The following CLCN6 variants were observed in gnomAD, a reference collection of about 807,000 sequenced individuals.
CLCN6 encodes the protein H(+)/Cl(-) exchange transporter 6.
CLCN6 carries 70 observed loss-of-function variants against 109.8 expected under a neutral mutation model. The observed-to-expected ratio is 0.64, with a 90% CI of 0.53 to 0.78. CLCN6 has a LOEUF of 0.78. CLCN6 is among the 30% of genes least tolerant of loss of function. The probability of loss-of-function intolerance (pLI) is 0.00; values close to 1 mark genes in which losing one functional copy is unlikely to be tolerated. For missense variants in CLCN6, 984 were observed against 1,142.3 expected (o/e 0.86, Z 2.00); for synonymous variants, 444 against 447.8 (o/e 0.99, Z 0.11).
chr1:11,834,100 G>A lies in CLCN6; in HGVS notation c.1526+70G>A, dbSNP rs908372821. On this transcript the variant is annotated intron_variant, in intron 15 of 22. Coordinates refer to ENST00000346436, the MANE Select transcript of CLCN6 (RefSeq NM_001286.5). The surrounding 1 kb of genome is among the most constrained non-coding windows in gnomAD (Gnocchi z 4.5). ...CACGTGTGCGTGTGTATGCATGTGT[G>A]TGCGTGTGCGTGCGTTGATGTGTCT... 6.9e-6 allele frequency: 11 copies of A among 1,592,238 alleles called. No homozygotes were observed. The East Asian group carries it at 2.5e-4, about 36-fold the overall frequency.
At chr1:11,833,030 T>TG (rs1644899882) in intron 13 of CLCN6, among the ~76,000 whole-genome samples, 1 of 151,902 alleles carries the variant, frequency 6.6e-6, no homozygotes, top group Non-Finnish European at 1.5e-5. Context: ...CTTTTTTTTT[T>TG]TTTGTAGCAA....
At chr1:11,830,742 T>C (rs1644869681) in intron 13 of CLCN6, among the ~76,000 whole-genome samples, 1 of 95,510 alleles carries the variant, frequency 1.0e-5, no homozygotes, top group East Asian at 2.8e-4. Context: ...ATATATTATA[T>C]ATATATATAT....
At chr1:11,833,689 C>T in intron 14 of CLCN6, 51 bp downstream of exon 14, 1 of 1,608,378 alleles carries the variant, frequency 6.2e-7, no homozygotes, top group Non-Finnish European at 8.5e-7. Flanking sequence ...TCATCTCGGA[C>T]ACAGCCAGGC....
rs551528523 is a variant in CLCN6, at chr1:11,842,120, T to A, written c.*1897T>A. ...GTGTGATCACCTGTCACAGACACTTTGTCCCCTCTCCCCGCCCCTTCCTGG... is the reference window on the plus strand; with the variant it reads ...GTGTGATCACCTGTCACAGACACTTAGTCCCCTCTCCCCGCCCCTTCCTGG... On this transcript the variant is annotated 3_prime_UTR_variant, in exon 23 of 23. Transcript: ENST00000346436. The A allele has an allele frequency of 6.6e-6, 1 of 152,330 alleles. No individual in the cohort carries two copies. The highest frequency in any genetic ancestry group is 1.9e-4 in the East Asian group (1 of 5,178). 9.4% of individuals were successfully genotyped at this position (152,330 alleles called of 1,614,324 possible). A position where few individuals can be genotyped will look rare whatever the true frequency, so the allele number is the denominator to read the frequency against.
In CLCN6 at chr1:11,834,025, A is replaced by G; in HGVS notation, c.1521A>G (p.Leu507=). Residue 507 remains leucine, a synonymous_variant, in exon 15 of 23, where the codon CTA becomes CTG. Transcript: ENST00000346436. The surrounding 1 kb of genome is among the most constrained non-coding windows in gnomAD (Gnocchi z 4.5). ...TTGGACGTTTAGTTGCCAATGTCCT[A>G]AAAAGGTACTCTGTGTGTGTGCGTG... The part of the protein sequence containing the change: ...AAFGRLVANV[L]KSYIGLGHIY... The G allele has an allele frequency of 6.2e-7, 1 of 1,613,954 alleles. No individual in the cohort carries two copies.
At chr1:11,838,806 G>A (rs757454569) in intron 22 of CLCN6, 146 bp downstream of exon 22, 16 of 1,207,328 alleles carry the variant, frequency 1.3e-5, no homozygotes, top group African/African-American at 1.0e-4. Flanking sequence ...AACCCTGCTC[G>A]GCTTCCGTGC....
At chr1:11,809,397 C>T (rs1036814074) in intron 2 of CLCN6, among the ~76,000 whole-genome samples, 1 of 152,172 alleles carries the variant, frequency 6.6e-6, no homozygotes, top group Non-Finnish European at 1.5e-5. Context: ...CTAAATTGTA[C>T]TTACATTTGT....
Position 11,840,221 on chromosome 1 carries a change from T to G in CLCN6, c.2608T>G (p.Ter870GlyextTer58). The change falls in exon 23 of 23, where the codon TGA becomes GGA. Residue 870 changes from the stop codon to glycine (G), a stop_lost. Coordinates refer to ENST00000346436, the MANE Select transcript of CLCN6 (RefSeq NM_001286.5). ...ARLRQHYQTI[*>G] is the part of the protein sequence containing the mutation. Reference sequence around the variant, plus strand: ...GCTGAGGCAGCACTACCAGACCATCTGACAGCCCAGCCCACCCTCTCCTGG... The same window carrying G: ...GCTGAGGCAGCACTACCAGACCATCGGACAGCCCAGCCCACCCTCTCCTGG... The G allele has an allele frequency of 6.2e-7, 1 of 1,612,234 alleles. No homozygotes were observed. Among genetic ancestry groups the G allele is most frequent in the South Asian group, 1.1e-5 (1 of 91,086 alleles).
Position 11,843,079 on chromosome 1 carries a change from T to C in CLCN6, c.*2856T>C, listed in dbSNP as rs192618082. On this transcript the variant is annotated 3_prime_UTR_variant, in exon 23 of 23. Coordinates refer to ENST00000346436, the MANE Select transcript of CLCN6 (RefSeq NM_001286.5). ...TATTTTTATTTGAACCTTTGGAACT[T>C]GGGAGTTCTCATTGTAACCCTAACA... is the stretch of plus-strand genomic sequence containing the variant. 1 of 152,390 alleles carries C rather than the reference T, an allele frequency of 6.6e-6. No homozygotes were observed. Among genetic ancestry groups the C allele is most frequent in the East Asian group, 1.9e-4 (1 of 5,194 alleles). 9.4% of individuals were successfully genotyped at this position (152,390 alleles called of 1,614,324 possible). A position where few individuals can be genotyped will look rare whatever the true frequency, so the allele number is the denominator to read the frequency against.
chr1:11,830,638 C>T (rs503040), intron 13 of CLCN6, among the ~76,000 whole-genome samples: 64,789 of 150,088 alleles, frequency 0.43, 14,574 homozygotes, highest in African/African-American at 0.54. Context: ...TGTACTCTTT[C>T]CTTGTTGCTT....
Position 11,840,372 on chromosome 1 carries a change from G to C in CLCN6, c.*149G>C. The C allele has an allele frequency of 2.8e-6, 2 of 721,112 alleles. No homozygotes were observed. The highest frequency in any genetic ancestry group is 3.4e-5 in the African/African-American group (2 of 58,036). The allele number at this position is 721,112 out of a possible 1,614,324, so 44.7% of individuals were successfully genotyped here. On this transcript the variant is annotated 3_prime_UTR_variant, in exon 23 of 23. Coordinates refer to ENST00000346436, the MANE Select transcript of CLCN6 (RefSeq NM_001286.5). The stretch of plus-strand genomic sequence containing the variant: ...CCGGGAGTCATCGGACACCTTGCTG[G>C]TCAGAGGTCCTGGGGGTGGTTTTGA...
chr1:11,835,664 C>T (rs1050118048), intron 17 of CLCN6, among the ~76,000 whole-genome samples: 1 of 152,136 alleles, frequency 6.6e-6, no homozygotes, highest in Non-Finnish European at 1.5e-5. Context: ...CCGAGGAGGG[C>T]GTGGCCAGCC....
At chr1:11,822,152 T>C (rs1301395317) in intron 5 of CLCN6, among the ~76,000 whole-genome samples, 1 of 152,146 alleles carries the variant, frequency 6.6e-6, no homozygotes, top group Non-Finnish European at 1.5e-5. Context: ...CTGGAGCATA[T>C]ATGGCATGTT....
intron 2 of CLCN6, among the ~76,000 whole-genome samples, chr1:11,810,773 A>T (rs916104881): frequency 2.0e-5 from 3 of 150,372 alleles, no homozygotes; most frequent in African/African-American, 7.4e-5. Context: ...AATTTATTTA[A>T]AAAAAAAAGA....
intron 2 of CLCN6, among the ~76,000 whole-genome samples, chr1:11,812,323 G>C (rs1644609295): frequency 6.6e-6 from 1 of 152,228 alleles, no homozygotes; most frequent in African/African-American, 2.4e-5. Flanking sequence ...GAACGTGGGA[G>C]GGGGCACGGA....
intron 14 of CLCN6, 58 bp from the exon 15 acceptor site, chr1:11,833,819 T>C (rs1040541898): frequency 1.3e-6 from 2 of 1,576,408 alleles, no homozygotes. Context: ...GCCCGGTAGG[T>C]CTACTGGGCC....
At chr1:11,823,864 T>TA (rs755385944) in intron 7 of CLCN6, 31 bp downstream of exon 7, 17 of 1,612,272 alleles carry the variant, frequency 1.1e-5, no homozygotes, top group Non-Finnish European at 1.2e-5. Flanking sequence ...ATCCTTCAAA[T>TA]ACTCAAAGGG....
chr1:11,829,965 G>A (rs1644859523), intron 13 of CLCN6: 1 of 152,594 alleles, frequency 6.6e-6, no homozygotes, highest in African/African-American at 2.4e-5. Context: ...CTGTGACTAT[G>A]ACAGTCACTC....
In CLCN6 at chr1:11,840,426, C is replaced by T. The variant is rs1645005420; in HGVS notation, c.*203C>T. The T allele has an allele frequency of 3.3e-6, 2 of 609,898 alleles. No individual in the cohort carries two copies. Among genetic ancestry groups the T allele is most frequent in the African/African-American group, 1.8e-5 (1 of 54,536 alleles). 37.8% of individuals were successfully genotyped at this position (609,898 alleles called of 1,614,324 possible). A position where few individuals can be genotyped will look rare whatever the true frequency, so the allele number is the denominator to read the frequency against. Reference sequence around the variant, plus strand: ...ATCAGAGCTTGGACTTTTCTGACTTCCCCAGCAAGGATCTTCCCACTTCCT... The same window carrying T: ...ATCAGAGCTTGGACTTTTCTGACTTTCCCAGCAAGGATCTTCCCACTTCCT... On this transcript the variant is annotated 3_prime_UTR_variant, in exon 23 of 23. Coordinates refer to ENST00000346436, the MANE Select transcript of CLCN6 (RefSeq NM_001286.5).
Sources: allele counts gnomAD v4.1 joint callset (sites outside exome capture counted in the v4.1 genomes callset), GRCh38; gene constraint gnomAD v4.1.1; non-coding constraint Gnocchi (gnomAD v3.1); transcripts MANE v1.5; gene names NCBI Gene and HGNC (gene_info 2026-07-23, HGNC 2026-07-21).